Variants in DLG1 observed in about 807,000 individuals in gnomAD.
DLG1 encodes the protein disks large homolog 1.
A neutral mutation model predicts 123.4 loss-of-function variants in DLG1; 42 were observed. That is an observed-to-expected ratio of 0.34 (90% CI 0.27 to 0.44). The LOEUF is 0.44. Among genes scored for constraint, DLG1 ranks in the 20% least tolerant of loss-of-function variants. DLG1 has a pLI of 1.00. For missense variants in DLG1, 942 were observed against 1,082.6 expected (o/e 0.87, Z 1.82); for synonymous variants, 317 against 356.2 (o/e 0.89, Z 1.24).
At chr3:197,206,145 G>A (rs988636712) in intron 4 of DLG1, among the ~76,000 whole-genome samples, 1 of 152,104 alleles carries the variant, frequency 6.6e-6, no homozygotes, top group Non-Finnish European at 1.5e-5. Flanking sequence ...TAGGCAGGGA[G>A]GGCATTATTC....
rs1263482946 is a variant in DLG1, at chr3:197,288,548, CCTGT to C, written c.152-5707_152-5704del. Among the ~76,000 whole-genome samples, 10 of 149,720 alleles carry C rather than the reference CCTGT, an allele frequency of 6.7e-5. No individual in the cohort carries two copies. The East Asian group carries it at 2.0e-3, about 30-fold the overall frequency. On this transcript the variant is annotated intron_variant, in intron 3 of 24. Transcript: ENST00000667157. ...ACCAACCTGACCAACATGAAGAAACCCTGTCTGTATTAAAAATACAAAATTAGCC... is the reference window on the plus strand; with the variant it reads ...ACCAACCTGACCAACATGAAGAAACCCTGTATTAAAAATACAAAATTAGCC...
chr3:197,287,174 A>T (rs896785292), intron 3 of DLG1, among the ~76,000 whole-genome samples: 1 of 152,110 alleles, frequency 6.6e-6, no homozygotes, highest in African/African-American at 2.4e-5. Flanking sequence ...CATGGCCTAC[A>T]AGATGGAAAA....
In DLG1 at chr3:197,205,071, A is replaced by T. The variant is rs372409681; in HGVS notation, c.319-10482T>A. Among the ~76,000 whole-genome samples the T allele has an allele frequency of 7.9e-5, 12 of 152,298 alleles. No homozygotes were observed. In the East Asian group the frequency reaches 1.5e-3, roughly 20 times the overall value. ...ACATACCAAAAAATAAAAAATAAAA[A>T]TGTGTTCAACCTTCATATGATAAAG... On this transcript the variant is annotated intron_variant, in intron 4 of 24. Coordinates refer to ENST00000667157, the MANE Select transcript of DLG1 (RefSeq NM_001366207.1).
chr3:197,057,463 G>A (rs529950075), intron 23 of DLG1, among the ~76,000 whole-genome samples: 14 of 152,280 alleles, frequency 9.2e-5, no homozygotes, highest in African/African-American at 2.9e-4. Context: ...TGGAGTGTGC[G>A]TCTAAGAATA....
intron 5 of DLG1, among the ~76,000 whole-genome samples, chr3:197,161,332 GTGT>G (rs1798678839): frequency 6.6e-6 from 1 of 152,134 alleles, no homozygotes; most frequent in Non-Finnish European, 1.5e-5. Context: ...GAAGAATAAA[GTGT>G]TCTAAAGTAA....
chr3:197,219,578 C>T (rs955814679), intron 4 of DLG1, among the ~76,000 whole-genome samples: 1 of 152,290 alleles, frequency 6.6e-6, no homozygotes, highest in Non-Finnish European at 1.5e-5. Flanking sequence ...CCAAAATTCA[C>T]ATACTGAAGT....
intron 4 of DLG1, among the ~76,000 whole-genome samples, chr3:197,207,626 T>C (rs1729271591): frequency 6.6e-6 from 1 of 152,154 alleles, no homozygotes; most frequent in African/African-American, 2.4e-5. Context: ...TTAAAATCTA[T>C]TATAAAACCT....
At chr3:197,117,701 G>C (rs1185334869) in intron 12 of DLG1, among the ~76,000 whole-genome samples, 1 of 152,180 alleles carries the variant, frequency 6.6e-6, no homozygotes, top group East Asian at 1.9e-4. Context: ...ACTGCTTAAT[G>C]GTCACAGAGT....
chr3:197,182,174 A>G (rs1363352230), intron 5 of DLG1, among the ~76,000 whole-genome samples: 2 of 152,228 alleles, frequency 1.3e-5, no homozygotes, highest in Non-Finnish European at 1.5e-5. Flanking sequence ...TCTTGTTGAC[A>G]ATGGAAAATA....
chr3:197,081,025 A>G, intron 17 of DLG1, 26 bp downstream of exon 17: 1 of 1,599,272 alleles, frequency 6.3e-7, no homozygotes, highest in Non-Finnish European at 8.5e-7. Flanking sequence ...AGGAATTACA[A>G]AAATGTAGAG....
chr3:197,123,657 T>C (rs1380722512), intron 11 of DLG1, among the ~76,000 whole-genome samples: 1 of 152,206 alleles, frequency 6.6e-6, no homozygotes. Flanking sequence ...AATTGCCTCC[T>C]ATACTGTTGA....
intron 6 of DLG1, 42 bp from the exon 7 acceptor site, chr3:197,142,810 A>G: frequency 6.4e-7 from 1 of 1,569,834 alleles, no homozygotes; most frequent in Non-Finnish European, 8.6e-7. Context: ...TTCAGAGTGT[A>G]AAATCCAAAA....
chr3:197,181,985 C>T lies in DLG1; in HGVS notation c.483+12440G>A, dbSNP rs528151212. On this transcript the variant is annotated intron_variant, in intron 5 of 24. Coordinates refer to ENST00000667157, the MANE Select transcript of DLG1 (RefSeq NM_001366207.1). ...TGCTCCTACTCCCAAGCGGCTATAA[C>T]GTAACTCTGTGGTTTCAACACTTTA... Among the ~76,000 whole-genome samples, 9 of 152,292 alleles carry T rather than the reference C, an allele frequency of 5.9e-5. No homozygotes were observed. The South Asian group carries it at 1.7e-3, about 28-fold the overall frequency.
At chr3:197,279,625 G>A (rs900362807) in intron 4 of DLG1, among the ~76,000 whole-genome samples, 3 of 152,054 alleles carry the variant, frequency 2.0e-5, no homozygotes, top group Non-Finnish European at 4.4e-5. Flanking sequence ...TTCCCTTGAG[G>A]TGCCTTTACC....
chr3:197,216,898 C>T (rs1269390341), intron 4 of DLG1, among the ~76,000 whole-genome samples: 4 of 152,112 alleles, frequency 2.6e-5, no homozygotes, highest in African/African-American at 7.2e-5. Flanking sequence ...CAACTACTAG[C>T]TGATCAAAAT....
intron 5 of DLG1, among the ~76,000 whole-genome samples, chr3:197,183,273 T>A (rs1713574444): frequency 6.6e-6 from 1 of 152,174 alleles, no homozygotes; most frequent in Non-Finnish European, 1.5e-5. Context: ...TTTAGCACAG[T>A]CTAAAAAGGA....
At chr3:197,183,750 T>C (rs1714025916) in intron 5 of DLG1, 13 of 1,550,430 alleles carry the variant, frequency 8.4e-6, no homozygotes, top group African/African-American at 2.7e-5. Flanking sequence ...AGAGCTAGTA[T>C]TGCCTCCTCG....
At chr3:197,258,180 T>C (rs1237911049) in intron 4 of DLG1, among the ~76,000 whole-genome samples, 6 of 152,194 alleles carry the variant, frequency 3.9e-5, no homozygotes, top group Non-Finnish European at 7.4e-5. Context: ...AGAAGTACAT[T>C]TTCATTTTCA....
chr3:197,119,661 A>G (rs1325294051), intron 11 of DLG1, 131 bp from the exon 12 acceptor site: 5 of 945,554 alleles, frequency 5.3e-6, no homozygotes, highest in Non-Finnish European at 7.2e-6. Flanking sequence ...AGATTTACTC[A>G]TCAGCCAAAA....
Sources: allele counts gnomAD v4.1 joint callset (sites outside exome capture counted in the v4.1 genomes callset), GRCh38; gene constraint gnomAD v4.1.1; transcripts MANE v1.5; gene names NCBI Gene and HGNC (gene_info 2026-07-23, HGNC 2026-07-21).